The following AFG1L variants were observed in gnomAD, a reference collection of about 807,000 sequenced individuals.
The protein encoded by AFG1L is AFG1-like ATPase.
In AFG1L, 53 loss-of-function variants were observed where a neutral mutation model predicts 62.2. The observed-to-expected ratio is 0.85, with a 90% CI of 0.68 to 1.07. The LOEUF is 1.07. AFG1L is among the 50% of genes least tolerant of loss of function. AFG1L has a pLI of 0.00. For missense variants in AFG1L, 555 were observed against 590.5 expected, an observed-to-expected ratio of 0.94 and a Z score of 0.62; for synonymous variants, 228 against 210.3, an observed-to-expected ratio of 1.08 and a Z score of -0.73.
intron 7 of AFG1L, among the ~76,000 whole-genome samples, chr6:108,413,883 T>C (rs1000879601): frequency 6.6e-6 from 1 of 151,548 alleles, no homozygotes; most frequent in Non-Finnish European, 1.5e-5. Flanking sequence ...GCAAACACAT[T>C]CAAAAGCTAG....
At chr6:108,393,842 A>G (rs888137126) in intron 6 of AFG1L, among the ~76,000 whole-genome samples, 1 of 152,148 alleles carries the variant, frequency 6.6e-6, no homozygotes, top group Non-Finnish European at 1.5e-5. Flanking sequence ...TAAAGGGCTT[A>G]TTGAAATATA....
At chr6:108,347,653 ATTCTTACTGAAATATTCTGT>A (rs1778913168) in intron 3 of AFG1L, among the ~76,000 whole-genome samples, 1 of 152,130 alleles carries the variant, frequency 6.6e-6, no homozygotes, top group East Asian at 1.9e-4. Flanking sequence ...CCCTGACCTC[ATTCTTACTGAAATATTCTGT>A]TTTGTGGTTT....
At chr6:108,336,429 CA>C (rs1778479549) in intron 2 of AFG1L, among the ~76,000 whole-genome samples, 2 of 152,154 alleles carry the variant, frequency 1.3e-5, no homozygotes, top group South Asian at 2.1e-4. Context: ...CCCAGAAAGG[CA>C]GAGGACGTGC....
chr6:108,455,674 T>C (rs1204399827), intron 8 of AFG1L, among the ~76,000 whole-genome samples: 1 of 152,136 alleles, frequency 6.6e-6, no homozygotes, highest in Non-Finnish European at 1.5e-5. Flanking sequence ...TCATGTTTTC[T>C]CTCCTGATTT....
At chr6:108,300,914 C>A (rs527347413) in intron 1 of AFG1L, among the ~76,000 whole-genome samples, 1 of 152,072 alleles carries the variant, frequency 6.6e-6, no homozygotes, top group South Asian at 2.1e-4. Context: ...CCTTGTGATC[C>A]GCCCGACTTG....
At chr6:108,478,165 C>T (rs1443469104) in intron 10 of AFG1L, among the ~76,000 whole-genome samples, 1 of 152,168 alleles carries the variant, frequency 6.6e-6, no homozygotes, top group Middle Eastern at 3.2e-3. Flanking sequence ...CGGCCGGGTG[C>T]GGTGGCTCGC....
intron 5 of AFG1L, among the ~76,000 whole-genome samples, chr6:108,361,535 A>G (rs1212343034): frequency 6.6e-6 from 1 of 152,128 alleles, no homozygotes; most frequent in South Asian, 2.1e-4. Flanking sequence ...TATGTTTGTG[A>G]GCAAAAGCCT....
chr6:108,344,403 G>C (rs145895462), intron 2 of AFG1L, among the ~76,000 whole-genome samples: 1 of 152,198 alleles, frequency 6.6e-6, no homozygotes, highest in African/African-American at 2.4e-5. Flanking sequence ...ATGAGCCATC[G>C]CGCCCAGCCT....
chr6:108,343,566 C>G (rs1256852725), intron 2 of AFG1L, among the ~76,000 whole-genome samples: 1 of 152,112 alleles, frequency 6.6e-6, no homozygotes, highest in East Asian at 1.9e-4. Context: ...ATGCTGCTTT[C>G]AAAATATTTC....
chr6:108,393,299 C>G (rs1021772946), intron 6 of AFG1L, among the ~76,000 whole-genome samples: 3 of 152,166 alleles, frequency 2.0e-5, no homozygotes. Flanking sequence ...GGATGTATTG[C>G]ATTGATAATT....
At chr6:108,515,891 G>C (rs1160494563) in intron 11 of AFG1L, among the ~76,000 whole-genome samples, 6 of 152,174 alleles carry the variant, frequency 3.9e-5, no homozygotes, top group Admixed American at 1.3e-4. Context: ...AAATAAACTA[G>C]AAAATCTAGA....
rs145811038 is a variant in AFG1L at position 108,481,595 on chromosome 6, A to AAAAT, written c.1062+4322_1062+4325dup. Reference sequence around the variant, plus strand: ...TTTCACTGATCATATACTCACAGTAAAAATAAATAAATAAATAAATAACCC... The same window carrying AAAAT: ...TTTCACTGATCATATACTCACAGTAAAAATAAATAAATAAATAAATAAATAACCC... On this transcript the variant is annotated intron_variant, in intron 10 of 12. Transcript: ENST00000368977. 3.6e-3 allele frequency among the ~76,000 whole-genome samples: 544 copies of AAAAT among 152,306 alleles called. 1 individual carries two copies. Among genetic ancestry groups the AAAAT allele is most frequent in the African/African-American group, 1.0e-2 (415 of 41,548 alleles).
intron 1 of AFG1L, among the ~76,000 whole-genome samples, chr6:108,300,126 A>C: frequency 6.6e-6 from 1 of 150,904 alleles, no homozygotes; most frequent in Admixed American, 6.6e-5. Context: ...TTTAGTATAC[A>C]TACATAGGAG....
At chr6:108,385,572 C>T (rs537090114) in intron 6 of AFG1L, among the ~76,000 whole-genome samples, 46 of 152,264 alleles carry the variant, frequency 3.0e-4, no homozygotes, top group South Asian at 1.4e-3. Context: ...AATCTCTGTT[C>T]GAGGCTCTCA....
At chr6:108,507,654 C>T (rs1342122994) in intron 10 of AFG1L, among the ~76,000 whole-genome samples, 1 of 152,154 alleles carries the variant, frequency 6.6e-6, no homozygotes, top group Non-Finnish European at 1.5e-5. Context: ...TAACTACATA[C>T]ATAATATGAG....
At chr6:108,458,554 A>G (rs1562174075) in intron 8 of AFG1L, among the ~76,000 whole-genome samples, 1 of 151,896 alleles carries the variant, frequency 6.6e-6, no homozygotes, top group Non-Finnish European at 1.5e-5. Flanking sequence ...GACTCAAGAG[A>G]TTCTCCCCCC....
chr6:108,337,799 G>T (rs1019884596), intron 2 of AFG1L, among the ~76,000 whole-genome samples: 1 of 152,180 alleles, frequency 6.6e-6, no homozygotes, highest in Admixed American at 6.5e-5. Flanking sequence ...ATATTATAAT[G>T]TTCATCTTGG....
chr6:108,522,658 C>A lies in AFG1L; in HGVS notation c.*233C>A, dbSNP rs540413205. On this transcript the variant is annotated 3_prime_UTR_variant, in exon 13 of 13. Transcript: ENST00000368977. ...TATTTCTGCACCATGAAATTAAAAT[C>A]ATCTCATTCCTGAAGATGAATGTAG... 65 of 311,612 alleles carry A rather than the reference C, an allele frequency of 2.1e-4. No individual in the cohort carries two copies. In the East Asian group the frequency reaches 3.6e-3, roughly 17 times the overall value. The allele number at this position is 311,612 out of a possible 1,614,324, so 19.3% of individuals were successfully genotyped here.
At chr6:108,454,797 C>T (rs62428892) in intron 8 of AFG1L, among the ~76,000 whole-genome samples, 1 of 152,048 alleles carries the variant, frequency 6.6e-6, no homozygotes, top group Non-Finnish European at 1.5e-5. Flanking sequence ...GGATTACAGG[C>T]GCATGCCACC....
Sources: gnomAD v4.1 joint callset for allele counts (sites outside exome capture counted in the v4.1 genomes callset) on GRCh38, gnomAD v4.1.1 for gene constraint, MANE v1.5 for transcripts, NCBI Gene and HGNC (gene_info 2026-07-23, HGNC 2026-07-21) for gene names.